UBE2W: variants seen among roughly 807,000 people sequenced by gnomAD.
UBE2W encodes ubiquitin conjugating enzyme E2 W, also known as ubiquitin-conjugating enzyme E2 W.
A neutral mutation model predicts 27.2 loss-of-function variants in UBE2W; 18 were observed. The observed-to-expected ratio is 0.66, with a 90% CI of 0.46 to 0.98. The LOEUF is 0.98. Among genes scored for constraint, UBE2W ranks in the 50% least tolerant of loss-of-function variants. The pLI, the probability that UBE2W is intolerant of heterozygous loss-of-function variation, is 0.00. For missense variants in UBE2W, 90 were observed against 180.2 expected (o/e 0.50, Z 2.87); for synonymous variants, 53 against 57.2 (o/e 0.93, Z 0.33).
chr8:73,817,527 G>A (rs1410912799), intron 3 of UBE2W, among the ~76,000 whole-genome samples: 1 of 151,670 alleles, frequency 6.6e-6, no homozygotes, highest in East Asian at 2.0e-4. Flanking sequence ...GGTTTTTTTT[G>A]TTTTGTTTTG....
intron 1 of UBE2W, among the ~76,000 whole-genome samples, chr8:73,867,208 C>A (rs952796743): frequency 5.9e-5 from 9 of 151,628 alleles, no homozygotes; most frequent in Non-Finnish European, 1.3e-4. Flanking sequence ...CGAGACCAGC[C>A]TGGCCAATAT....
At chr8:73,808,939 A>T (rs1324016437) in intron 4 of UBE2W, among the ~76,000 whole-genome samples, 1 of 152,212 alleles carries the variant, frequency 6.6e-6, no homozygotes, top group African/African-American at 2.4e-5. Flanking sequence ...AAATGTAAAT[A>T]AAATCTAATA....
At chr8:73,826,854 T>A (rs1360628167) in intron 2 of UBE2W, among the ~76,000 whole-genome samples, 1 of 152,218 alleles carries the variant, frequency 6.6e-6, no homozygotes, top group East Asian at 1.9e-4. Flanking sequence ...GTAAAAAACC[T>A]AGCACATTCC....
rs180947493 is a variant in UBE2W, at chr8:73,796,583, T to G, written c.443-2468A>C. On this transcript the variant is annotated intron_variant, in intron 5 of 5. Transcript: ENST00000602593. ...TACTTTCCAGATCCCAATCCCTGTT[T>G]CTGACTGATATGATACTACCCACCT... The G allele has an allele frequency of 3.3e-6, 3 of 918,796 alleles. No individual in the cohort carries two copies. In the African/African-American group the frequency reaches 5.3e-5, roughly 16 times the overall value. The allele number at this position is 918,796 out of a possible 1,614,324, so 56.9% of individuals were successfully genotyped here.
At chr8:73,830,938 A>T (rs1810040227) in intron 1 of UBE2W, among the ~76,000 whole-genome samples, 1 of 152,226 alleles carries the variant, frequency 6.6e-6, no homozygotes, top group Non-Finnish European at 1.5e-5. Context: ...AAATTTGAAT[A>T]GCCTGTCCTA....
intron 3 of UBE2W, among the ~76,000 whole-genome samples, chr8:73,812,053 GTCT>G (rs548715168): frequency 2.6e-3 from 391 of 151,946 alleles, no homozygotes; most frequent in African/African-American, 8.5e-3. Context: ...TATGAGTAGA[GTCT>G]TCTAATATTT....
intron 1 of UBE2W, 71 bp downstream of exon 1, chr8:73,878,737 C>G: frequency 2.9e-6 from 4 of 1,383,096 alleles, no homozygotes; most frequent in Non-Finnish European, 4.0e-6. Context: ...TCGCGGACGC[C>G]ACCCCCGCCC....
intron 1 of UBE2W, among the ~76,000 whole-genome samples, chr8:73,843,457 A>G (rs1309659233): frequency 2.0e-5 from 3 of 152,080 alleles, no homozygotes; most frequent in African/African-American, 7.2e-5. Context: ...ACACAGCGAG[A>G]CCACATCTCT....
At chr8:73,801,464 C>T (rs73322659) in intron 5 of UBE2W, among the ~76,000 whole-genome samples, 4,753 of 152,262 alleles carry the variant, frequency 0.031, 227 homozygotes, top group African/African-American at 0.1. Context: ...GCATGAAAAA[C>T]CTCAAGGTGG....
At chr8:73,796,698 T>C (rs1470537627) in intron 5 of UBE2W, 7 of 975,422 alleles carry the variant, frequency 7.2e-6, no homozygotes, top group Non-Finnish European at 8.5e-6. Flanking sequence ...TGGCTATATG[T>C]AATCAAGAGT....
At chr8:73,842,791 G>A (rs1209520176) in intron 1 of UBE2W, among the ~76,000 whole-genome samples, 1 of 152,028 alleles carries the variant, frequency 6.6e-6, no homozygotes, top group African/African-American at 2.4e-5. Context: ...TATATTATTT[G>A]GCTGTTTTAC....
chr8:73,815,365 C>T (rs1809342176), intron 3 of UBE2W, among the ~76,000 whole-genome samples: 1 of 152,008 alleles, frequency 6.6e-6, no homozygotes, highest in Admixed American at 6.6e-5. Flanking sequence ...CAGAGTGAGA[C>T]CCTGTCTTGG....
At chr8:73,872,766 A>C (rs1812051791) in intron 1 of UBE2W, among the ~76,000 whole-genome samples, 1 of 152,236 alleles carries the variant, frequency 6.6e-6, no homozygotes, top group African/African-American at 2.4e-5. Flanking sequence ...AAAAGAAGAA[A>C]TATTCCTGAG....
chr8:73,865,702 T>C (rs1811723704), intron 1 of UBE2W, among the ~76,000 whole-genome samples: 1 of 152,222 alleles, frequency 6.6e-6, no homozygotes, highest in African/African-American at 2.4e-5. Flanking sequence ...TTTTCTTTTA[T>C]CAGATCTCTC....
chr8:73,858,360 C>CAAA (rs10538314), intron 1 of UBE2W, among the ~76,000 whole-genome samples: 1 of 90,342 alleles, frequency 1.1e-5, no homozygotes, highest in Admixed American at 1.3e-4. Context: ...GACTTCATCT[C>CAAA]AAAAAAAAAA....
chr8:73,859,678 A>G (rs768526302), intron 1 of UBE2W, among the ~76,000 whole-genome samples: 3 of 152,166 alleles, frequency 2.0e-5, no homozygotes, highest in Admixed American at 6.6e-5. Context: ...GTTTTTGGGA[A>G]GTAAAGTTAT....
intron 1 of UBE2W, among the ~76,000 whole-genome samples, chr8:73,868,959 G>A (rs1335881390): frequency 1.3e-5 from 2 of 151,994 alleles, no homozygotes; most frequent in East Asian, 3.9e-4. Flanking sequence ...ACTAAAAAGG[G>A]GAAACAATCC....
intron 1 of UBE2W, among the ~76,000 whole-genome samples, chr8:73,873,052 C>T (rs1015750792): frequency 3.9e-5 from 6 of 151,970 alleles, no homozygotes; most frequent in African/African-American, 1.5e-4. Flanking sequence ...ATTACAGATG[C>T]GCTCTACCAC....
Position 73,805,454 on chromosome 8 carries a change from C to CAAAAAAAAAAAAAAAAAAAAAAA in UBE2W, c.442+196_442+197insTTTTTTTTTTTTTTTTTTTTTTT, listed in dbSNP as rs1162712227. On this transcript the variant is annotated intron_variant, in intron 5 of 5. Coordinates refer to ENST00000602593, the MANE Select transcript of UBE2W (RefSeq NM_018299.6). ...GGGCAACAAGAGCAAAACTCCATCTCAAAAAAAAAAAAAAAAACAAAAAAA... is the reference window on the plus strand; with the variant it reads ...GGGCAACAAGAGCAAAACTCCATCTCAAAAAAAAAAAAAAAAAAAAAAAAAAAAAAAAAAAAAAAACAAAAAAA... 1.9e-3 allele frequency among the ~76,000 whole-genome samples: 28 copies of CAAAAAAAAAAAAAAAAAAAAAAA among 14,574 alleles called. 4 individuals carry two copies. Among genetic ancestry groups the CAAAAAAAAAAAAAAAAAAAAAAA allele is most frequent in the African/African-American group, 3.6e-3 (17 of 4,768 alleles). The allele number at this position is 14,574 out of a possible 152,430, so 9.6% of individuals were successfully genotyped here. A position where few individuals can be genotyped will look rare whatever the true frequency, so the allele number is the denominator to read the frequency against.
Sources: gnomAD v4.1 joint callset for allele counts (sites outside exome capture counted in the v4.1 genomes callset) on GRCh38, gnomAD v4.1.1 for gene constraint, MANE v1.5 for transcripts, NCBI Gene and HGNC (gene_info 2026-07-23, HGNC 2026-07-21) for gene names.